The following IDO2 variants were observed in gnomAD, a reference collection of about 807,000 sequenced individuals.
The protein encoded by IDO2 is indoleamine 2,3-dioxygenase-like 1 protein.
Under a neutral mutation model 45.1 loss-of-function variants are expected in IDO2, and 46 were observed. The ratio of observed to expected loss-of-function variants is 1.02; its 90% CI spans 0.80 to 1.30. The LOEUF is 1.30. Among genes scored for constraint, IDO2 ranks in the 50% most tolerant of loss-of-function variants. The pLI is 0.00. For synonymous variants in IDO2, 218 were observed against 184.9 expected, an observed-to-expected ratio of 1.18 and a Z score of -1.45; for missense variants, 544 against 491.8, an observed-to-expected ratio of 1.11 and a Z score of -1.00.
At chr8:39,968,195 A>G (rs567969814) in intron 3 of IDO2, among the ~76,000 whole-genome samples, 1 of 152,378 alleles carries the variant, frequency 6.6e-6, no homozygotes, top group Non-Finnish European at 1.5e-5. Flanking sequence ...CAGCGATACA[A>G]ATGATTGAGC....
Position 40,003,735 on chromosome 8 carries a change from T to G in IDO2, c.668-1592T>G, listed in dbSNP as rs370380173. On this transcript the variant is annotated intron_variant, in intron 8 of 10. Transcript: ENST00000502986. Reference sequence around the variant, plus strand: ...ACAACTTTTATTTCTTTTTAATAATTTTTTTCTTATTCTCCTGGCTAGGAC... The same window carrying G: ...ACAACTTTTATTTCTTTTTAATAATGTTTTTCTTATTCTCCTGGCTAGGAC... 7.2e-5 allele frequency among the ~76,000 whole-genome samples: 11 copies of G among 152,294 alleles called. No homozygotes were observed. In the East Asian group the frequency reaches 9.6e-4, roughly 13 times the overall value.
intron 1 of IDO2, among the ~76,000 whole-genome samples, chr8:39,941,677 A>G (rs1325300695): frequency 2.0e-5 from 3 of 152,208 alleles, no homozygotes; most frequent in Non-Finnish European, 2.9e-5. Context: ...ACACTGAGAT[A>G]GAGAAATGGC....
intron 10 of IDO2, among the ~76,000 whole-genome samples, chr8:40,014,131 C>T (rs917894653): frequency 2.0e-5 from 3 of 152,144 alleles, no homozygotes; most frequent in Admixed American, 6.5e-5. Context: ...TCTATTTATA[C>T]CAGCAGAGGG....
chr8:40,000,326 CT>C (rs112464121), intron 8 of IDO2, among the ~76,000 whole-genome samples: 101 of 151,978 alleles, frequency 6.6e-4, no homozygotes, highest in African/African-American at 2.3e-3. Flanking sequence ...AGGAGAATCG[CT>C]TGAACCCAGG....
At chr8:39,961,398 C>G (rs572009540) in intron 2 of IDO2, among the ~76,000 whole-genome samples, 1 of 145,604 alleles carries the variant, frequency 6.9e-6, no homozygotes, top group East Asian at 2.1e-4. Context: ...TCTTGGCTCA[C>G]TGCAACTTTC....
At chr8:40,002,502 A>G (rs1268617512) in intron 8 of IDO2, among the ~76,000 whole-genome samples, 2 of 152,168 alleles carry the variant, frequency 1.3e-5, no homozygotes, top group East Asian at 3.8e-4. Context: ...CATTTTAAAA[A>G]TCTATGTTGG....
intron 3 of IDO2, among the ~76,000 whole-genome samples, chr8:39,965,563 C>T (rs1808072729): frequency 6.6e-6 from 1 of 152,094 alleles, no homozygotes; most frequent in East Asian, 1.9e-4. Context: ...TAGTGTCTTC[C>T]TAGAAGTCAT....
intron 4 of IDO2, among the ~76,000 whole-genome samples, chr8:39,979,612 C>T (rs909845734): frequency 6.6e-6 from 1 of 152,134 alleles, no homozygotes; most frequent in Non-Finnish European, 1.5e-5. Context: ...CTGGGCTTCC[C>T]ACAGTGCTGG....
intron 3 of IDO2, among the ~76,000 whole-genome samples, chr8:39,968,629 A>T (rs1808131528): frequency 6.6e-6 from 1 of 151,530 alleles, no homozygotes. Flanking sequence ...CAAACACCGC[A>T]TGTTCTTACT....
chr8:39,981,344 G>GCCAC (rs1808348884), intron 4 of IDO2, among the ~76,000 whole-genome samples: 1 of 152,208 alleles, frequency 6.6e-6, no homozygotes, highest in Non-Finnish European at 1.5e-5. Context: ...ACAGGCGTGA[G>GCCAC]CCACCGTGCC....
At chr8:39,987,907 G>A in exon 7 of IDO2, 1 of 1,611,632 alleles carries the variant, frequency 6.2e-7, no homozygotes, top group Non-Finnish European at 8.5e-7. Context: ...CTGGGGGAGA[G>A]AGCCTGCATG....
chr8:39,986,923 G>A (rs1286847119), intron 6 of IDO2: 1 of 149,160 alleles, frequency 6.7e-6, no homozygotes, highest in East Asian at 2.0e-4. Flanking sequence ...CTCCCAGGCT[G>A]GAGTGCAGTG....
At chr8:39,973,642 A>G (rs922106469) in intron 3 of IDO2, among the ~76,000 whole-genome samples, 1 of 152,152 alleles carries the variant, frequency 6.6e-6, no homozygotes, top group Non-Finnish European at 1.5e-5. Context: ...TTGTGTTAAA[A>G]TGATACAGCT....
intron 8 of IDO2, among the ~76,000 whole-genome samples, chr8:40,002,431 C>T (rs1438553525): frequency 6.6e-6 from 1 of 152,158 alleles, no homozygotes. Context: ...CCTCCAGCAT[C>T]GCTTGTGCTA....
chr8:39,954,649 CTTTTTTTT>C (rs542016899), intron 2 of IDO2, among the ~76,000 whole-genome samples: 6 of 84,730 alleles, frequency 7.1e-5, no homozygotes, highest in Admixed American at 5.1e-4. Flanking sequence ...GTCTCTCTCT[CTTTTTTTT>C]TTTTTTTTTT....
intron 8 of IDO2, among the ~76,000 whole-genome samples, chr8:39,995,496 A>G (rs1802029148): frequency 6.6e-6 from 1 of 151,700 alleles, no homozygotes; most frequent in African/African-American, 2.4e-5. Context: ...TGGCCAGGCT[A>G]GTCTCTAACT....
In IDO2 at chr8:39,987,867, C is replaced by T. The variant is rs1342245917; in HGVS notation, c.450-4C>T. 1 of 1,588,950 alleles carries T rather than the reference C, an allele frequency of 6.3e-7. No individual in the cohort carries two copies. Among genetic ancestry groups the T allele is most frequent in the South Asian group, 1.1e-5 (1 of 88,502 alleles). On this transcript the variant is annotated splice_region_variant and splice_polypyrimidine_tract_variant and intron_variant, in intron 6 of 10. Transcript: ENST00000502986. ...TCTAATCATGTGCTCCTCTCCTTCC[C>T]AAGGAACCTGGAGACCATCATCTCA...
intron 3 of IDO2, among the ~76,000 whole-genome samples, chr8:39,975,169 T>C (rs1419553929): frequency 5.3e-5 from 1 of 18,960 alleles, no homozygotes; most frequent in African/African-American, 1.2e-4. Flanking sequence ...GTTTTTTTTT[T>C]TGTTTTTTTT....
At chr8:39,968,290 C>A (rs539620486) in intron 3 of IDO2, among the ~76,000 whole-genome samples, 1 of 152,218 alleles carries the variant, frequency 6.6e-6, no homozygotes, top group Admixed American at 6.5e-5. Context: ...TGATTCTTTT[C>A]AAATGACTTT....
Sources: gnomAD v4.1 joint callset for allele counts (sites outside exome capture counted in the v4.1 genomes callset) on GRCh38, gnomAD v4.1.1 for gene constraint, MANE v1.5 for transcripts, NCBI Gene and HGNC (gene_info 2026-07-23, HGNC 2026-07-21) for gene names.